The following UNC13C variants were observed in gnomAD, a reference collection of about 807,000 sequenced individuals.
The protein encoded by UNC13C is unc-13 homolog C, also known as protein unc-13 homolog C.
A neutral mutation model predicts 245.4 loss-of-function variants in UNC13C; 174 were observed. The observed-to-expected ratio is 0.71, with a 90% CI of 0.63 to 0.80. UNC13C has a LOEUF of 0.80. Ranked by LOEUF, UNC13C falls within the 30% of genes least tolerant of loss-of-function variation. The pLI is 0.00. For missense variants in UNC13C, 2,829 were observed against 2,602.9 expected (o/e 1.09, Z -1.89); for synonymous variants, 992 against 895.1 (o/e 1.11, Z -1.93).
chr15:53,910,240 C>T, the UNC13C span, among the ~76,000 whole-genome samples: 2 of 145,484 alleles, frequency 1.4e-5, 1 homozygote, highest in Non-Finnish European at 3.1e-5. Flanking sequence ...CTTGCTACAT[C>T]CATGTTGTCA....
At chr15:53,911,654 T>A in the UNC13C span, 2 of 152,150 alleles carry the variant, frequency 1.3e-5, no homozygotes, top group Non-Finnish European at 2.9e-5. Flanking sequence ...GCAAAGTGAC[T>A]ACATGTAAAT....
At chr15:54,284,387 T>C (rs1407303742) in intron 10 of UNC13C, among the ~76,000 whole-genome samples, 1 of 152,192 alleles carries the variant, frequency 6.6e-6, no homozygotes, top group Non-Finnish European at 1.5e-5. Context: ...GCAAACGATT[T>C]TGAATACCTA....
At chr15:54,571,311 G>C (rs1897743673) in intron 30 of UNC13C, among the ~76,000 whole-genome samples, 2 of 152,172 alleles carry the variant, frequency 1.3e-5, no homozygotes, top group South Asian at 4.1e-4. Flanking sequence ...AGGCAAGAGA[G>C]TGTGTGCAGG....
chr15:54,455,201 CTCTCTATATATATATATATA>C (rs1277613825), intron 19 of UNC13C, among the ~76,000 whole-genome samples: 1 of 33,286 alleles, frequency 3.0e-5, no homozygotes, highest in East Asian at 1.3e-3. Flanking sequence ...CTCTCTCTCT[CTCTCTATATATATATATATA>C]TATATATATA....
intron 30 of UNC13C, among the ~76,000 whole-genome samples, chr15:54,605,441 A>G (rs28700587): frequency 6.6e-6 from 1 of 152,146 alleles, no homozygotes; most frequent in Non-Finnish European, 1.5e-5. Context: ...GAAGCTCTCA[A>G]AAATACTCTT....
At chr15:54,213,469 T>C (rs1312493798) in intron 4 of UNC13C, among the ~76,000 whole-genome samples, 4 of 151,992 alleles carry the variant, frequency 2.6e-5, no homozygotes, top group Admixed American at 1.3e-4. Flanking sequence ...TGTAGTGCAA[T>C]GGTAGCATGG....
intron 2 of UNC13C, among the ~76,000 whole-genome samples, chr15:54,040,183 C>T (rs1025736239): frequency 2.6e-5 from 4 of 152,096 alleles, no homozygotes; most frequent in African/African-American, 9.7e-5. Context: ...AGGTTTCTCC[C>T]AGAAGCAGAC....
chr15:54,193,573 A>C (rs2034258107), intron 4 of UNC13C, among the ~76,000 whole-genome samples: 1 of 152,018 alleles, frequency 6.6e-6, no homozygotes, highest in African/African-American at 2.4e-5. Flanking sequence ...ACCTACCAAA[A>C]AGTCTGCACT....
intron 30 of UNC13C, among the ~76,000 whole-genome samples, chr15:54,606,488 C>T (rs1899773025): frequency 6.6e-6 from 1 of 152,072 alleles, no homozygotes; most frequent in Non-Finnish European, 1.5e-5. Flanking sequence ...ATTTAGTTAG[C>T]CTTAATTTTT....
At chr15:54,397,734 G>A (rs903471981) in intron 18 of UNC13C, among the ~76,000 whole-genome samples, 1 of 150,940 alleles carries the variant, frequency 6.6e-6, no homozygotes, top group Non-Finnish European at 1.5e-5. Flanking sequence ...TTGTTAATTG[G>A]TTTCTAAGTA....
At chr15:54,258,727 C>T (rs944581525) in intron 8 of UNC13C, among the ~76,000 whole-genome samples, 2 of 152,112 alleles carry the variant, frequency 1.3e-5, no homozygotes, top group African/African-American at 4.8e-5. Context: ...AATCACTATA[C>T]TTATTCCATT....
At chr15:54,103,537 T>C (rs1900274170) in intron 2 of UNC13C, among the ~76,000 whole-genome samples, 1 of 152,234 alleles carries the variant, frequency 6.6e-6, no homozygotes. Context: ...ATTAAAAATA[T>C]TTTTGTCAGT....
chr15:54,046,238 T>G (rs1052193751), intron 2 of UNC13C, among the ~76,000 whole-genome samples: 2 of 152,208 alleles, frequency 1.3e-5, no homozygotes, highest in African/African-American at 4.8e-5. Flanking sequence ...TGTATTTTTC[T>G]ATGAGGCGTG....
chr15:54,192,737 C>A (rs1171639603), intron 4 of UNC13C, among the ~76,000 whole-genome samples: 1 of 152,134 alleles, frequency 6.6e-6, no homozygotes, highest in African/African-American at 2.4e-5. Context: ...AGATCTGTAG[C>A]TGTAGCACTA....
intron 19 of UNC13C, among the ~76,000 whole-genome samples, chr15:54,479,095 T>A (rs149201484): frequency 0.011 from 1,727 of 152,140 alleles, 19 homozygotes; most frequent in Non-Finnish European, 0.016. Flanking sequence ...TTTGTAAAAA[T>A]TCAGTTGGCT....
intron 16 of UNC13C, among the ~76,000 whole-genome samples, chr15:54,336,641 T>G (rs1250929787): frequency 2.0e-5 from 3 of 152,104 alleles, no homozygotes; most frequent in African/African-American, 7.2e-5. Context: ...GCTGGTTGTT[T>G]TTGTTTGATA....
chr15:53,993,591 T>C (rs1472101294), intron 1 of UNC13C, among the ~76,000 whole-genome samples: 1 of 152,136 alleles, frequency 6.6e-6, no homozygotes, highest in African/African-American at 2.4e-5. Context: ...TTACATTGAC[T>C]TGAGTATCAG....
At chr15:54,279,792 TA>T (rs1406692157) in intron 10 of UNC13C, among the ~76,000 whole-genome samples, 3 of 152,342 alleles carry the variant, frequency 2.0e-5, no homozygotes, top group African/African-American at 7.2e-5. Flanking sequence ...AGCTTTTCAT[TA>T]GAATGTTTTT....
intron 17 of UNC13C, among the ~76,000 whole-genome samples, chr15:54,372,599 A>G (rs1461554958): frequency 6.6e-6 from 1 of 152,132 alleles, no homozygotes; most frequent in Non-Finnish European, 1.5e-5. Context: ...TTGTTTTTAA[A>G]TTGGTATATA....
Sources: gnomAD v4.1 joint callset for allele counts (sites outside exome capture counted in the v4.1 genomes callset) on GRCh38, gnomAD v4.1.1 for gene constraint, MANE v1.5 for transcripts, NCBI Gene and HGNC (gene_info 2026-07-23, HGNC 2026-07-21) for gene names.